TADA3: variants seen among roughly 807,000 people sequenced by gnomAD.
TADA3 encodes transcriptional adapter 3.
A neutral mutation model predicts 43.2 loss-of-function variants in TADA3; 25 were observed. That is an observed-to-expected ratio of 0.58 (90% confidence interval 0.42 to 0.81). The LOEUF is 0.81. Among genes scored for constraint, TADA3 ranks in the 30% least tolerant of loss-of-function variants. TADA3 has a pLI of 0.00. For missense variants in TADA3, 441 were observed against 567.8 expected (o/e 0.78, Z 2.27); for synonymous variants, 235 against 225.5 (o/e 1.04, Z -0.38).
intron 7 of TADA3, 133 bp from the exon 8 acceptor site, chr3:9,784,346 A>G: frequency 8.4e-7 from 1 of 1,185,642 alleles, no homozygotes. Context: ...ATCTATCCAG[A>G]TACAAAGGGA....
At position 9,784,019 on chromosome 3, in the gene TADA3, A is replaced by G; in HGVS notation, c.1106+9T>C. 1.9e-6 allele frequency: 3 copies of G among 1,611,736 alleles called. No individual in the cohort carries two copies. Among genetic ancestry groups the G allele is most frequent in the Non-Finnish European group, 2.5e-6 (3 of 1,178,250 alleles). ...CACCCCCGGGACTGTGCATCCTGCT[A>G]ACGCTCACCTCAGCAGGTCGTGCTT... On this transcript the variant is annotated intron_variant, in intron 8 of 8. Coordinates refer to ENST00000301964, the MANE Select transcript of TADA3 (RefSeq NM_006354.5).
chr3:9,784,076 A>C lies in TADA3; in HGVS notation c.1058T>G (p.Leu353Arg). 6.2e-7 allele frequency: 1 copy of C among 1,614,162 alleles called. No individual in the cohort carries two copies. Residue 353 changes from leucine (L) to arginine (R), a missense_variant, in exon 8 of 9, where the codon CTG (leucine) becomes CGG (arginine). Leu to Arg is a moderately radical substitution (Grantham distance 102, BLOSUM62 -2). Transcript: ENST00000301964. ...GCGGTTGTGGGCACTAAGTGCCTTCAGCTCAGCCTGCCGTTTGCGAAGCTC... is the reference window on the plus strand; with the variant it reads ...GCGGTTGTGGGCACTAAGTGCCTTCCGCTCAGCCTGCCGTTTGCGAAGCTC... ...LAELRKRQAE[L>R]KALSAHNRTK...
intron 4 of TADA3, chr3:9,787,701 C>G (rs2078648358): frequency 7.6e-7 from 1 of 1,321,628 alleles, no homozygotes; most frequent in African/African-American, 1.5e-5. Context: ...CTTGAATTTA[C>G]TGCTGTCTGT....
At chr3:9,787,400 C>G in intron 4 of TADA3, 60 bp from the exon 5 acceptor site, 3 of 1,539,764 alleles carry the variant, frequency 1.9e-6, no homozygotes, top group Non-Finnish European at 2.6e-6. Flanking sequence ...ATGCTTCATT[C>G]ATTCATTCAC....
intron 6 of TADA3, 23 bp downstream of exon 6, chr3:9,786,980 TTCC>T (rs2125623586): frequency 6.3e-7 from 1 of 1,584,678 alleles, no homozygotes; most frequent in East Asian, 2.2e-5. Context: ...GTAAATATGG[TTCC>T]TCTTTTGGGT....
In TADA3 at chr3:9,789,613, AC is replaced by A. The variant is rs2078690785; in HGVS notation, c.459del (p.Arg153SerfsTer25). The A allele has an allele frequency of 6.2e-7, 1 of 1,613,730 alleles. No individual in the cohort carries two copies. The highest frequency in any genetic ancestry group is 8.5e-7 in the Non-Finnish European group (1 of 1,179,878). ...CAGTAGGGCTCCACTGAAGCCCAGAACCTGCAGGGAGAAGCAGATCCTGAGT... is the reference window on the plus strand; with the variant it reads ...CAGTAGGGCTCCACTGAAGCCCAGAACTGCAGGGAGAAGCAGATCCTGAGT... ...PRIPKNDAPN[R>X]FWASVEPYCA... is the part of the protein sequence containing the mutation. On this transcript the variant is annotated frameshift_variant and splice_region_variant, in exon 4 of 9. Coordinates refer to ENST00000301964, the MANE Select transcript of TADA3 (RefSeq NM_006354.5). LOFTEE classifies it high-confidence loss of function.
intron 6 of TADA3, among the ~76,000 whole-genome samples, chr3:9,785,942 G>GTT (rs555853526): frequency 2.8e-4 from 40 of 144,094 alleles, no homozygotes; most frequent in South Asian, 4.4e-4. Context: ...GTTTTGTTTT[G>GTT]TTTTTTTTTT....
At chr3:9,791,135 C>CGTCT (rs1230029564) in intron 2 of TADA3, 125 bp downstream of exon 2, 6 of 883,236 alleles carry the variant, frequency 6.8e-6, no homozygotes, top group Non-Finnish European at 1.0e-5. Context: ...ACCCAGTTTG[C>CGTCT]GTCTCTCTCC....
At chr3:9,786,360 C>T (rs558738366) in intron 6 of TADA3, among the ~76,000 whole-genome samples, 1 of 152,182 alleles carries the variant, frequency 6.6e-6, no homozygotes, top group African/African-American at 2.4e-5. Flanking sequence ...CCTGCCCCTT[C>T]CCCTACCTTA....
In TADA3 at chr3:9,791,565, G is replaced by A. The variant is rs1452746038; in HGVS notation, c.-27-72C>T. On this transcript the variant is annotated intron_variant, in intron 1 of 8. Transcript: ENST00000301964. ...AGCCCAAGGGCTTCTTACCTCCAGG[G>A]ACAGCCTCAAGGAAGCCCAGCTTCA... 4.4e-6 allele frequency: 4 copies of A among 918,896 alleles called. No individual in the cohort carries two copies. The African/African-American group carries it at 5.0e-5, about 12-fold the overall frequency. 56.9% of individuals were successfully genotyped at this position (918,896 alleles called of 1,614,324 possible).
Position 9,780,555 on chromosome 3 carries a change from G to A in TADA3, c.1107-6C>T, listed in dbSNP as rs1238649456. 6.3e-7 allele frequency: 1 copy of A among 1,598,926 alleles called. No homozygotes were observed. Among genetic ancestry groups the A allele is most frequent in the African/African-American group, 1.3e-5 (1 of 74,796 alleles). ...TCACCTCCTCCTTTGCCAGCCTGTG[G>A]GGACCAGCCAGCCAGGTGCCAGGGT... On this transcript the variant is annotated splice_region_variant and splice_polypyrimidine_tract_variant and intron_variant, in intron 8 of 8. Coordinates refer to ENST00000301964, the MANE Select transcript of TADA3 (RefSeq NM_006354.5).
chr3:9,790,431 TCCA>T (rs2078702745), intron 2 of TADA3, among the ~76,000 whole-genome samples: 2 of 152,200 alleles, frequency 1.3e-5, no homozygotes, highest in African/African-American at 2.4e-5. Context: ...ACCTCCTTCC[TCCA>T]CAAGTCTCTG....
At chr3:9,792,697 G>C (rs1313337980), upstream of TADA3, 3 of 1,233,638 alleles carry the variant, frequency 2.4e-6, no homozygotes, top group East Asian at 9.5e-5. Context: ...CGAGCGCCAG[G>C]AGCTGCGGGT....
intron 4 of TADA3, among the ~76,000 whole-genome samples, chr3:9,788,948 G>A (rs1223866065): frequency 6.6e-6 from 1 of 151,700 alleles, no homozygotes; most frequent in African/African-American, 2.4e-5. Context: ...AGATCCTCCT[G>A]ACTCAGCCTC....
chr3:9,786,347 A>G (rs751026305), intron 6 of TADA3, among the ~76,000 whole-genome samples: 3 of 152,194 alleles, frequency 2.0e-5, no homozygotes, highest in Non-Finnish European at 4.4e-5. Flanking sequence ...TATGAGATAG[A>G]GACCTGCCCC....
intron 7 of TADA3, 141 bp from the exon 8 acceptor site, chr3:9,784,354 G>T (rs1017391124): frequency 8.9e-7 from 1 of 1,121,516 alleles, no homozygotes; most frequent in Non-Finnish European, 1.2e-6. Context: ...AGATACAAAG[G>T]GAGGGACAGA....
chr3:9,785,493 C>A (rs1575300443), intron 6 of TADA3, 68 bp from the exon 7 acceptor site: 1 of 1,051,940 alleles, frequency 9.5e-7, no homozygotes. Context: ...TTCTGACCTA[C>A]ACTGACAGTC....
intron 8 of TADA3, chr3:9,781,543 C>T (rs188667543): frequency 4.8e-5 from 22 of 456,640 alleles, no homozygotes; most frequent in African/African-American, 4.0e-4. Flanking sequence ...GGCCTGCTTA[C>T]GTCGGCATCT....
chr3:9,787,500 G>C, intron 4 of TADA3, 160 bp from the exon 5 acceptor site: 1 of 1,107,726 alleles, frequency 9.0e-7, no homozygotes, highest in Non-Finnish European at 1.3e-6. Flanking sequence ...GATAAAACCT[G>C]TACTTCACAC....
Sources: allele counts gnomAD v4.1 joint callset (sites outside exome capture counted in the v4.1 genomes callset), GRCh38; gene constraint gnomAD v4.1.1; transcripts MANE v1.5; gene names NCBI Gene and HGNC (gene_info 2026-07-23, HGNC 2026-07-21).